Variants in SLC44A1 observed in about 807,000 individuals in gnomAD.
The protein encoded by SLC44A1 is solute carrier family 44 member 1, also known as choline transporter-like protein 1.
SLC44A1 carries 26 observed loss-of-function variants against 79.3 expected under a neutral mutation model. The ratio of observed to expected loss-of-function variants is 0.33; its 90% CI spans 0.24 to 0.46. The LOEUF is 0.46. SLC44A1 is among the 20% of genes least tolerant of loss of function. The probability of loss-of-function intolerance (pLI) is 1.00; values close to 1 mark genes in which losing one functional copy is unlikely to be tolerated. For synonymous variants in SLC44A1, 263 were observed against 286.2 expected (o/e 0.92, Z 0.82); for missense variants, 688 against 798.1 (o/e 0.86, Z 1.66).
At chr9:105,323,684 A>C (rs1826472426) in intron 3 of SLC44A1, among the ~76,000 whole-genome samples, 1 of 152,196 alleles carries the variant, frequency 6.6e-6, no homozygotes, top group Non-Finnish European at 1.5e-5. Flanking sequence ...ATTTTAACCA[A>C]CTGTTAAATT....
At chr9:105,404,663 C>T (rs569796106) in intron 15 of SLC44A1, among the ~76,000 whole-genome samples, 1 of 152,278 alleles carries the variant, frequency 6.6e-6, no homozygotes, top group Non-Finnish European at 1.5e-5. Context: ...GAATATGCTT[C>T]GAAAGCAGTT....
chr9:105,271,488 G>A (rs1040612128), intron 1 of SLC44A1, among the ~76,000 whole-genome samples: 3 of 152,208 alleles, frequency 2.0e-5, no homozygotes, highest in South Asian at 4.1e-4. Flanking sequence ...TCTAGTCTGC[G>A]GGAATGGTAC....
At chr9:105,252,697 C>T (rs778176700) in intron 1 of SLC44A1, among the ~76,000 whole-genome samples, 8 of 152,134 alleles carry the variant, frequency 5.3e-5, no homozygotes, top group East Asian at 1.9e-4. Flanking sequence ...GTAAAGAAAA[C>T]GTGTTTGAGC....
At chr9:105,429,682 C>T (rs1308464627) in intron 15 of SLC44A1, among the ~76,000 whole-genome samples, 1 of 152,134 alleles carries the variant, frequency 6.6e-6, no homozygotes, top group African/African-American at 2.4e-5. Flanking sequence ...GGAAAAAGTG[C>T]TTACCTCAAT....
intron 15 of SLC44A1, among the ~76,000 whole-genome samples, chr9:105,431,482 A>G (rs1829392839): frequency 1.3e-5 from 2 of 152,220 alleles, no homozygotes; most frequent in East Asian, 3.8e-4. Context: ...TGAGATGAGT[A>G]TATTTCATTC....
intron 1 of SLC44A1, among the ~76,000 whole-genome samples, chr9:105,286,137 G>C (rs1830472110): frequency 6.6e-6 from 1 of 152,170 alleles, no homozygotes; most frequent in Non-Finnish European, 1.5e-5. Context: ...TTAAGCTGTA[G>C]AATGTACTGC....
chr9:105,279,764 G>A lies in SLC44A1; in HGVS notation c.37-19456G>A, dbSNP rs538742751. On this transcript the variant is annotated intron_variant, in intron 1 of 15. Transcript: ENST00000374720. ...AACATTGTTCTAGAAGTTCTAACTCGTGCAATAATCCACCATACCAAAGTA... is the reference window on the plus strand; with the variant it reads ...AACATTGTTCTAGAAGTTCTAACTCATGCAATAATCCACCATACCAAAGTA... Among the ~76,000 whole-genome samples the A allele has an allele frequency of 8.2e-4, 125 of 152,072 alleles. 1 individual carries two copies. The highest frequency in any genetic ancestry group is 3.0e-3 in the African/African-American group (124 of 41,478).
rs191320790 is a variant in SLC44A1 at position 105,310,651 on chromosome 9, C to A, written c.269+785C>A. On this transcript the variant is annotated intron_variant, in intron 3 of 15. Coordinates refer to ENST00000374720, the MANE Select transcript of SLC44A1 (RefSeq NM_080546.5). ...TTATAGGAAAAGGCTAAGCAGGTAT[C>A]ATTTTTAAGGTTATAGGTCTATTAT... is the stretch of plus-strand genomic sequence containing the variant. 4.1e-4 allele frequency among the ~76,000 whole-genome samples: 63 copies of A among 152,242 alleles called. 1 individual carries two copies. Among genetic ancestry groups the A allele is most frequent in the African/African-American group, 1.4e-3 (60 of 41,546 alleles).
intron 15 of SLC44A1, among the ~76,000 whole-genome samples, chr9:105,416,184 A>G (rs1190302086): frequency 6.6e-6 from 1 of 152,042 alleles, no homozygotes; most frequent in African/African-American, 2.4e-5. Context: ...GGCATGAGCC[A>G]CCGCACCCAG....
At chr9:105,346,440 T>C (rs1195866503) in intron 4 of SLC44A1, among the ~76,000 whole-genome samples, 2 of 152,144 alleles carry the variant, frequency 1.3e-5, no homozygotes, top group Non-Finnish European at 2.9e-5. Flanking sequence ...CAAAGTGCTT[T>C]AGTTAGGGCC....
At chr9:105,414,252 T>G (rs1829138178) in intron 15 of SLC44A1, among the ~76,000 whole-genome samples, 1 of 152,052 alleles carries the variant, frequency 6.6e-6, no homozygotes, top group Non-Finnish European at 1.5e-5. Context: ...AGATGGGGTT[T>G]CACTGTGTTA....
chr9:105,244,785 C>T lies in SLC44A1; in HGVS notation c.-84C>T, dbSNP rs1191918765. The stretch of plus-strand genomic sequence containing the variant: ...GTGCGGTGCCAGGCCGCGCCCTCCC[C>T]GGGCGCCCGCCGGCTCGCATGCCGA... On this transcript the variant is annotated 5_prime_UTR_variant, in exon 1 of 16. Transcript: ENST00000374720. The T allele has an allele frequency of 3.6e-6, 3 of 839,902 alleles. No homozygotes were observed. Among genetic ancestry groups the T allele is most frequent in the East Asian group, 5.0e-5 (1 of 20,080 alleles). The allele number at this position is 839,902 out of a possible 1,614,324, so 52.0% of individuals were successfully genotyped here. A position where few individuals can be genotyped will look rare whatever the true frequency, so the allele number is the denominator to read the frequency against.
intron 2 of SLC44A1, among the ~76,000 whole-genome samples, chr9:105,300,407 A>G (rs763174231): frequency 6.6e-6 from 1 of 152,130 alleles, no homozygotes; most frequent in African/African-American, 2.4e-5. Context: ...TATACCTTTT[A>G]TAGAGTTTCT....
At chr9:105,374,310 A>T (rs1296414655) in intron 12 of SLC44A1, among the ~76,000 whole-genome samples, 2 of 152,262 alleles carry the variant, frequency 1.3e-5, no homozygotes, top group Non-Finnish European at 2.9e-5. Flanking sequence ...TGTTTGATTT[A>T]CTAAAACAGG....
chr9:105,406,598 C>G (rs957707011), intron 15 of SLC44A1, among the ~76,000 whole-genome samples: 1 of 151,876 alleles, frequency 6.6e-6, no homozygotes, highest in Non-Finnish European at 1.5e-5. Context: ...AAAAAGTAGC[C>G]GAACATGGTG....
rs761488490 is a variant in SLC44A1, at chr9:105,391,042, C to G, written c.*1986C>G. The stretch of plus-strand genomic sequence containing the variant: ...GTTTCATAGCCGCACAGATTTTGGA[C>G]TTTCACAAACATTGGGAACTAAATT... On this transcript the variant is annotated 3_prime_UTR_variant, in exon 16 of 16. Transcript: ENST00000374720. 1.1e-4 allele frequency: 112 copies of G among 985,640 alleles called. 1 individual carries two copies. Among genetic ancestry groups the G allele is most frequent in the Non-Finnish European group, 1.2e-4 (103 of 829,916 alleles). 61.1% of individuals were successfully genotyped at this position (985,640 alleles called of 1,614,324 possible). A position where few individuals can be genotyped will look rare whatever the true frequency, so the allele number is the denominator to read the frequency against.
chr9:105,288,738 T>C (rs1830534316), intron 1 of SLC44A1, among the ~76,000 whole-genome samples: 1 of 152,248 alleles, frequency 6.6e-6, no homozygotes, highest in Non-Finnish European at 1.5e-5. Context: ...TACATTGCTT[T>C]CAGTTTCTTA....
chr9:105,309,835 C>T lies in SLC44A1; in HGVS notation c.238C>T (p.Pro80Ser). The T allele has an allele frequency of 6.2e-7, 1 of 1,613,724 alleles. No individual in the cohort carries two copies. Among genetic ancestry groups the T allele is most frequent in the Non-Finnish European group, 8.5e-7 (1 of 1,179,802 alleles). ...GQKNTKLEAI[P>S]NSGMDHTQRK... ...GAAAAATACAAAGTTGGAAGCAATA[C>T]CAAACAGTGGCATGGACCACACCCA... Residue 80 changes from proline (P) to serine (S), a missense_variant, in exon 3 of 16, where the codon CCA becomes TCA. By Grantham distance (74) the Pro-to-Ser change is moderately conservative (BLOSUM62 -1). Coordinates refer to ENST00000374720, the MANE Select transcript of SLC44A1 (RefSeq NM_080546.5).
At chr9:105,313,670 A>C (rs777837126) in intron 3 of SLC44A1, among the ~76,000 whole-genome samples, 1 of 152,122 alleles carries the variant, frequency 6.6e-6, no homozygotes, top group African/African-American at 2.4e-5. Context: ...TTTTTCTGTC[A>C]CATTCTAGAT....
Sources: allele counts gnomAD v4.1 joint callset (sites outside exome capture counted in the v4.1 genomes callset), GRCh38; gene constraint gnomAD v4.1.1; transcripts MANE v1.5; gene names NCBI Gene and HGNC (gene_info 2026-07-23, HGNC 2026-07-21).